Variants in GABBR2 observed in about 807,000 individuals in gnomAD.
GABBR2 encodes the protein G-protein coupled receptor 51.
GABBR2 carries 23 observed loss-of-function variants against 105.6 expected under a neutral mutation model. The observed-to-expected ratio is 0.22, with a 90% confidence interval of 0.16 to 0.31. The LOEUF (loss-of-function observed/expected upper bound fraction) is 0.31, where lower values mean the gene tolerates loss of function less well. GABBR2 is among the 10% of genes least tolerant of loss of function. The pLI is 1.00. For synonymous variants in GABBR2, 478 were observed against 499.7 expected (o/e 0.96, Z 0.58); for missense variants, 734 against 1,245.5 (o/e 0.59, Z 6.18).
intron 16 of GABBR2, among the ~76,000 whole-genome samples, chr9:98,302,170 C>T (rs532229802): frequency 1.1e-4 from 16 of 152,324 alleles, no homozygotes; most frequent in South Asian, 2.1e-4. Context: ...CAGCTAGAGA[C>T]GACGTTTCCC....
chr9:98,674,238 C>T (rs1219850615), intron 1 of GABBR2, among the ~76,000 whole-genome samples: 1 of 152,172 alleles, frequency 6.6e-6, no homozygotes. Context: ...ATTCCCATGT[C>T]CAGTTGCTTG....
chr9:98,491,678 G>A (rs1207787827), intron 4 of GABBR2, among the ~76,000 whole-genome samples: 1 of 152,122 alleles, frequency 6.6e-6, no homozygotes, highest in Non-Finnish European at 1.5e-5. Context: ...TTAACACCAG[G>A]AGTTAAGCAC....
At chr9:98,313,814 C>A (rs144552978) in intron 13 of GABBR2, among the ~76,000 whole-genome samples, 1 of 152,120 alleles carries the variant, frequency 6.6e-6, no homozygotes, top group Admixed American at 6.6e-5. Context: ...AGACGGGTAG[C>A]GTTTAGAAAC....
intron 4 of GABBR2, among the ~76,000 whole-genome samples, chr9:98,489,120 C>T (rs1247034398): frequency 1.3e-5 from 2 of 152,178 alleles, no homozygotes; most frequent in Non-Finnish European, 2.9e-5. Flanking sequence ...GAATGTGTTC[C>T]TATAAAACTT....
Position 98,568,002 on chromosome 9 carries a change from G to A in GABBR2, c.459+9933C>T, listed in dbSNP as rs551367444. On this transcript the variant is annotated intron_variant, in intron 2 of 18. Coordinates refer to ENST00000259455, the MANE Select transcript of GABBR2 (RefSeq NM_005458.8). Reference sequence around the variant, plus strand: ...ATAAATATAGCATGAGTCAGTGAATGAATGAATGATTGGATGGATGGATGA... The same window carrying A: ...ATAAATATAGCATGAGTCAGTGAATAAATGAATGATTGGATGGATGGATGA... Among the ~76,000 whole-genome samples, 4 of 152,330 alleles carry A rather than the reference G, an allele frequency of 2.6e-5. No individual in the cohort carries two copies. In the East Asian group the frequency reaches 7.7e-4, roughly 29 times the overall value.
At chr9:98,345,167 G>T (rs980233025) in intron 13 of GABBR2, among the ~76,000 whole-genome samples, 4 of 152,106 alleles carry the variant, frequency 2.6e-5, no homozygotes, top group Non-Finnish European at 5.9e-5. Flanking sequence ...CACTGTGACT[G>T]CCCTGGCTTA....
Position 98,311,211 on chromosome 9 carries a change from CAA to C in GABBR2, c.1894-8_1894-7del. ...TCCCGTCCTGCTGGGTCCGGCTGTGCAAAGAGAAAACAGAGACTCAGGGATGG... is the reference window on the plus strand; with the variant it reads ...TCCCGTCCTGCTGGGTCCGGCTGTGCAGAGAAAACAGAGACTCAGGGATGG... On this transcript the variant is annotated splice_polypyrimidine_tract_variant and splice_region_variant and intron_variant, in intron 13 of 18. Transcript: ENST00000259455. The C allele has an allele frequency of 1.3e-6, 2 of 1,592,738 alleles. No individual in the cohort carries two copies. The highest frequency in any genetic ancestry group is 1.7e-6 in the Non-Finnish European group (2 of 1,160,714).
intron 7 of GABBR2, among the ~76,000 whole-genome samples, chr9:98,410,295 G>A (rs1832563440): frequency 6.6e-6 from 1 of 152,016 alleles, no homozygotes; most frequent in Non-Finnish European, 1.5e-5. Context: ...AAATTCTAAG[G>A]CAAGGGAGTT....
intron 4 of GABBR2, among the ~76,000 whole-genome samples, chr9:98,489,753 A>T (rs1361799994): frequency 6.6e-6 from 1 of 151,974 alleles, no homozygotes; most frequent in African/African-American, 2.4e-5. Context: ...ACAGAGGAAG[A>T]CACCAAGGCA....
In GABBR2 at chr9:98,708,539, CCTT is replaced by C. The variant is rs1168936823; in HGVS notation, c.196_198del (p.Lys66del). ...CGCCCGATGCTGCCCTTGGCCACCT[CCTT>C]GGTGAGCGGCATGAGGCCCATGATG... On this transcript the variant is annotated inframe_deletion, in exon 1 of 19. Coordinates refer to ENST00000259455, the MANE Select transcript of GABBR2 (RefSeq NM_005458.8). The C allele has an allele frequency of 1.9e-6, 3 of 1,595,986 alleles. No individual in the cohort carries two copies. Among genetic ancestry groups the C allele is most frequent in the Non-Finnish European group, 2.6e-6 (3 of 1,174,996 alleles).
rs1832166202 is a variant in GABBR2 at position 98,390,799 on chromosome 9, T to C, written c.1379-1795A>G. 3.3e-5 allele frequency among the ~76,000 whole-genome samples: 5 copies of C among 152,186 alleles called. No homozygotes were observed. In the South Asian group the frequency reaches 1.0e-3, roughly 32 times the overall value. On this transcript the variant is annotated intron_variant, in intron 9 of 18. Transcript: ENST00000259455. ...GGACACTGAGAAAGAAGACTGAGGT[T>C]TGGTTCACAGGTGATATGATCACTA... is the stretch of plus-strand genomic sequence containing the variant.
chr9:98,619,302 C>T (rs1468611225), intron 1 of GABBR2, among the ~76,000 whole-genome samples: 1 of 151,580 alleles, frequency 6.6e-6, no homozygotes, highest in Non-Finnish European at 1.5e-5. Context: ...AGGCCTTGTG[C>T]CCATGGAACC....
intron 1 of GABBR2, among the ~76,000 whole-genome samples, chr9:98,628,841 G>A (rs1025926687): frequency 3.3e-5 from 5 of 152,248 alleles, no homozygotes; most frequent in African/African-American, 4.8e-5. Context: ...GCTTCCTCCC[G>A]TGAAGCTGAA....
At chr9:98,638,411 C>T (rs935372527) in intron 1 of GABBR2, among the ~76,000 whole-genome samples, 4 of 152,188 alleles carry the variant, frequency 2.6e-5, no homozygotes, top group African/African-American at 7.2e-5. Flanking sequence ...GACAGAGAAG[C>T]GAAGCAGAGA....
chr9:98,403,335 C>G (rs1046441212), intron 8 of GABBR2, among the ~76,000 whole-genome samples: 1 of 149,860 alleles, frequency 6.7e-6, no homozygotes, highest in African/African-American at 2.5e-5. Context: ...ACAGGAGCAT[C>G]TGGCCTTTAT....
intron 2 of GABBR2, among the ~76,000 whole-genome samples, chr9:98,561,091 T>C (rs963410369): frequency 2.0e-5 from 3 of 152,108 alleles, no homozygotes; most frequent in African/African-American, 7.2e-5. Flanking sequence ...TGCTTTTGGT[T>C]GGCATTTTTT....
chr9:98,622,879 A>G (rs1829688370), intron 1 of GABBR2, among the ~76,000 whole-genome samples: 1 of 152,220 alleles, frequency 6.6e-6, no homozygotes, highest in Admixed American at 6.5e-5. Context: ...TACTCCATAC[A>G]ATTCTGTAAT....
chr9:98,664,929 C>T (rs185951177), intron 1 of GABBR2, among the ~76,000 whole-genome samples: 1 of 151,568 alleles, frequency 6.6e-6, no homozygotes, highest in African/African-American at 2.4e-5. Flanking sequence ...AGTTTGAGAC[C>T]AGACTGGGCA....
intron 4 of GABBR2, among the ~76,000 whole-genome samples, chr9:98,493,452 C>G (rs961276382): frequency 5.3e-5 from 8 of 152,138 alleles, no homozygotes; most frequent in African/African-American, 1.9e-4. Flanking sequence ...AGGAAAACTC[C>G]CTTCTCCAGT....
Sources: gnomAD v4.1 joint callset for allele counts (sites outside exome capture counted in the v4.1 genomes callset) on GRCh38, gnomAD v4.1.1 for gene constraint, MANE v1.5 for transcripts, NCBI Gene and HGNC (gene_info 2026-07-23, HGNC 2026-07-21) for gene names.